NR3C2: variants seen among roughly 807,000 people sequenced by gnomAD.
NR3C2 encodes the protein nuclear receptor subfamily 3 group C member 2.
Under a neutral mutation model 86.4 loss-of-function variants are expected in NR3C2, and 15 were observed. That is an observed-to-expected ratio of 0.17 (90% CI 0.12 to 0.27). The LOEUF (loss-of-function observed/expected upper bound fraction) is 0.27. Ranked by LOEUF, NR3C2 falls within the 10% of genes least tolerant of loss-of-function variation. The pLI, the probability that NR3C2 is intolerant of heterozygous loss-of-function variation, is 1.00. For synonymous variants in NR3C2, 458 were observed against 450.5 expected, an observed-to-expected ratio of 1.02 and a Z score of -0.21; for missense variants, 960 against 1,195.6, an observed-to-expected ratio of 0.80 and a Z score of 2.91.
intron 3 of NR3C2, among the ~76,000 whole-genome samples, chr4:148,244,223 C>T (rs1218765906): frequency 6.6e-6 from 1 of 152,152 alleles, no homozygotes; most frequent in Non-Finnish European, 1.5e-5. Flanking sequence ...TACATATTGG[C>T]TTCTTGAGGG....
intron 4 of NR3C2, among the ~76,000 whole-genome samples, chr4:148,160,969 T>C (rs939961440): frequency 6.6e-6 from 1 of 152,202 alleles, no homozygotes; most frequent in African/African-American, 2.4e-5. Flanking sequence ...CTAAGTAATC[T>C]GGCCATGAAA....
At chr4:148,274,190 A>T (rs1483481672) in intron 2 of NR3C2, among the ~76,000 whole-genome samples, 2 of 152,226 alleles carry the variant, frequency 1.3e-5, no homozygotes, top group African/African-American at 4.8e-5. Context: ...TTCCAAACAT[A>T]GTAAGTGTTT....
chr4:148,389,989 G>A (rs901930666), intron 2 of NR3C2, among the ~76,000 whole-genome samples: 7 of 151,836 alleles, frequency 4.6e-5, no homozygotes, highest in Non-Finnish European at 7.4e-5. Context: ...TAATACAATC[G>A]TTCAAACTGT....
chr4:148,211,821 CA>C (rs1217368319), intron 3 of NR3C2, among the ~76,000 whole-genome samples: 2 of 152,140 alleles, frequency 1.3e-5, no homozygotes, highest in African/African-American at 4.8e-5. Flanking sequence ...TGGACTGATC[CA>C]ATCATTTTCT....
In NR3C2 at chr4:148,355,330, A is replaced by G. The variant is rs539575970; in HGVS notation, c.1757+79774T>C. ...TAGAATGCTTCAAAGAAAATCTGACACATAAGCACCAACATATACTTAACG... is the reference window on the plus strand; with the variant it reads ...TAGAATGCTTCAAAGAAAATCTGACGCATAAGCACCAACATATACTTAACG... On this transcript the variant is annotated intron_variant, in intron 2 of 8. Coordinates refer to ENST00000358102, the MANE Select transcript of NR3C2 (RefSeq NM_000901.5). Among the ~76,000 whole-genome samples the G allele has an allele frequency of 2.6e-5, 4 of 152,308 alleles. No homozygotes were observed. In the South Asian group the frequency reaches 8.3e-4, roughly 32 times the overall value.
intron 2 of NR3C2, among the ~76,000 whole-genome samples, chr4:148,322,771 T>C (rs1168107420): frequency 2.5e-5 from 3 of 122,192 alleles, no homozygotes; most frequent in African/African-American, 3.4e-5. Flanking sequence ...ATTCTAGTTA[T>C]ACATTCCTCT....
chr4:148,428,512 A>G (rs1749655028), intron 2 of NR3C2, among the ~76,000 whole-genome samples: 1 of 152,206 alleles, frequency 6.6e-6, no homozygotes, highest in Non-Finnish European at 1.5e-5. Flanking sequence ...TGGGACAAAC[A>G]GCAAAAGAGT....
At chr4:148,109,356 C>T (rs1379744594) in intron 8 of NR3C2, among the ~76,000 whole-genome samples, 3 of 152,174 alleles carry the variant, frequency 2.0e-5, no homozygotes, top group Non-Finnish European at 4.4e-5. Flanking sequence ...TATGACACTG[C>T]CTGGCACTTT....
intron 2 of NR3C2, among the ~76,000 whole-genome samples, chr4:148,297,889 C>CAAAA (rs80142284): frequency 1.9e-5 from 2 of 103,588 alleles, no homozygotes; most frequent in Non-Finnish European, 4.1e-5. Context: ...AACTCCGTCT[C>CAAAA]AAAAAAAAAA....
chr4:148,369,029 A>T (rs568436715), intron 2 of NR3C2, among the ~76,000 whole-genome samples: 3 of 152,338 alleles, frequency 2.0e-5, no homozygotes, highest in African/African-American at 7.2e-5. Context: ...TCTGTAAAAA[A>T]CACCATTAAC....
chr4:148,413,392 G>T (rs968485929), intron 2 of NR3C2, among the ~76,000 whole-genome samples: 1 of 152,126 alleles, frequency 6.6e-6, no homozygotes, highest in South Asian at 2.1e-4. Context: ...ACAGCTGTAA[G>T]AATACATTGA....
intron 2 of NR3C2, among the ~76,000 whole-genome samples, chr4:148,356,028 T>A (rs1379938954): frequency 7.2e-5 from 11 of 152,208 alleles, no homozygotes; most frequent in Admixed American, 7.2e-4. Context: ...AAGTGGCAAG[T>A]GTTTACTGAG....
intron 2 of NR3C2, among the ~76,000 whole-genome samples, chr4:148,372,569 C>G (rs1561070377): frequency 6.6e-6 from 1 of 151,958 alleles, no homozygotes. Context: ...TACAATGTGC[C>G]TACAAGCAAT....
chr4:148,416,157 C>T (rs1748985693), intron 2 of NR3C2, among the ~76,000 whole-genome samples: 1 of 152,074 alleles, frequency 6.6e-6, no homozygotes, highest in Admixed American at 6.6e-5. Flanking sequence ...TGGCTAATCG[C>T]CAATTCACTG....
intron 1 of NR3C2, among the ~76,000 whole-genome samples, chr4:148,437,222 G>A (rs1482315244): frequency 6.6e-6 from 1 of 152,176 alleles, no homozygotes; most frequent in Admixed American, 6.5e-5. Context: ...AGGTAACTGA[G>A]GACTTAGTGA....
At chr4:148,412,129 T>C (rs1031562234) in intron 2 of NR3C2, among the ~76,000 whole-genome samples, 4 of 152,148 alleles carry the variant, frequency 2.6e-5, no homozygotes, top group East Asian at 1.9e-4. Context: ...GGGGTCGCCA[T>C]AGGGACTAAT....
At chr4:148,107,406 A>G (rs921875805) in intron 8 of NR3C2, among the ~76,000 whole-genome samples, 5 of 152,208 alleles carry the variant, frequency 3.3e-5, no homozygotes, top group African/African-American at 1.2e-4. Flanking sequence ...TGGGAATGTA[A>G]TTTAGTTCAA....
At chr4:148,156,368 C>A (rs1734387151) in intron 4 of NR3C2, among the ~76,000 whole-genome samples, 1 of 151,896 alleles carries the variant, frequency 6.6e-6, no homozygotes, top group Non-Finnish European at 1.5e-5. Context: ...ACTCATCTGA[C>A]AAAGGGCTAA....
chr4:148,443,005 C>T (rs1364447882), upstream of NR3C2: 1 of 984,464 alleles, frequency 1.0e-6, no homozygotes. Flanking sequence ...AGCGTCCGCG[C>T]GCGGGGAGGA....
Sources: allele counts gnomAD v4.1 joint callset (sites outside exome capture counted in the v4.1 genomes callset), GRCh38; gene constraint gnomAD v4.1.1; transcripts MANE v1.5; gene names NCBI Gene and HGNC (gene_info 2026-07-23, HGNC 2026-07-21).